Variants in GPC5 observed in about 807,000 individuals in gnomAD.
GPC5 encodes glypican 5.
In GPC5, 47 loss-of-function variants were observed where a neutral mutation model predicts 53.9. The ratio of observed to expected loss-of-function variants is 0.87; its 90% CI spans 0.69 to 1.11. GPC5 has a LOEUF of 1.11. Ranked by LOEUF, GPC5 falls within the 50% of genes most tolerant of loss-of-function variation. The pLI is 0.00. For synonymous variants in GPC5, 286 were observed against 263.3 expected, an observed-to-expected ratio of 1.09 and a Z score of -0.84; for missense variants, 748 against 713.1, an observed-to-expected ratio of 1.05 and a Z score of -0.56.
chr13:92,754,223 C>A (rs1874736788), intron 7 of GPC5, among the ~76,000 whole-genome samples: 1 of 152,060 alleles, frequency 6.6e-6, no homozygotes, highest in Non-Finnish European at 1.5e-5. Flanking sequence ...CATATCCAGC[C>A]AAACTAAGCT....
intron 7 of GPC5, among the ~76,000 whole-genome samples, chr13:92,488,098 C>A (rs543779593): frequency 6.6e-6 from 1 of 151,902 alleles, no homozygotes; most frequent in Admixed American, 6.6e-5. Flanking sequence ...AACATACATA[C>A]CCAGATACGT....
chr13:92,426,667 T>G (rs1261311257), intron 7 of GPC5, among the ~76,000 whole-genome samples: 1 of 152,114 alleles, frequency 6.6e-6, no homozygotes, highest in Non-Finnish European at 1.5e-5. Flanking sequence ...TTTGCTTATG[T>G]GTTTAGCTTC....
chr13:92,113,049 C>A (rs1298006058), intron 6 of GPC5, among the ~76,000 whole-genome samples: 3 of 151,972 alleles, frequency 2.0e-5, no homozygotes, highest in Non-Finnish European at 4.4e-5. Context: ...TGTATAATGA[C>A]CAGCATTTTG....
chr13:91,898,464 CT>C (rs2039465628), intron 5 of GPC5, among the ~76,000 whole-genome samples: 1 of 152,168 alleles, frequency 6.6e-6, no homozygotes, highest in South Asian at 2.1e-4. Flanking sequence ...TCACCTCCTC[CT>C]TTTCATTATT....
At position 92,497,791 on chromosome 13, in the gene GPC5, C is replaced by T. The variant is rs140878034; in HGVS notation, c.1561+352802C>T. 1.1e-4 allele frequency among the ~76,000 whole-genome samples: 17 copies of T among 151,838 alleles called. No individual in the cohort carries two copies. In the East Asian group the frequency reaches 3.3e-3, roughly 30 times the overall value. ...CCTCTCTTATTTCCTTGTAGTTCTA[C>T]CTAAAAAGGTCCTTCACATCCCTTG... On this transcript the variant is annotated intron_variant, in intron 7 of 7. Transcript: ENST00000377067.
intron 5 of GPC5, among the ~76,000 whole-genome samples, chr13:91,893,266 A>G (rs7993634): frequency 0.19 from 28,332 of 151,922 alleles, 2,984 homozygotes; most frequent in African/African-American, 0.3. Context: ...ATAGAAAAAA[A>G]TGTATGCCAA....
At chr13:92,353,250 G>A (rs1402075105) in intron 7 of GPC5, among the ~76,000 whole-genome samples, 3 of 116,290 alleles carry the variant, frequency 2.6e-5, no homozygotes, top group Non-Finnish European at 5.2e-5. Context: ...CTGGGCGACA[G>A]AGCGAGACTC....
intron 7 of GPC5, among the ~76,000 whole-genome samples, chr13:92,792,533 A>G (rs1046076647): frequency 1.3e-5 from 2 of 152,182 alleles, no homozygotes; most frequent in African/African-American, 4.8e-5. Context: ...TCAAATTCAC[A>G]CATAACAATA....
intron 7 of GPC5, among the ~76,000 whole-genome samples, chr13:92,232,023 G>A (rs1227020467): frequency 2.6e-5 from 4 of 152,044 alleles, no homozygotes; most frequent in Non-Finnish European, 4.4e-5. Context: ...TAAAGTTGTG[G>A]CACCTATCTT....
At chr13:92,143,471 T>C (rs531469885) in intron 6 of GPC5, among the ~76,000 whole-genome samples, 201 of 152,284 alleles carry the variant, frequency 1.3e-3, no homozygotes, top group African/African-American at 4.5e-3. Flanking sequence ...CACATCAGTA[T>C]ATTAAACACA....
chr13:92,839,008 G>C (rs544255432), intron 7 of GPC5, among the ~76,000 whole-genome samples: 2 of 152,156 alleles, frequency 1.3e-5, no homozygotes, highest in Non-Finnish European at 2.9e-5. Context: ...CTGTTCACCA[G>C]AACACAAAAT....
chr13:92,863,232 A>G (rs1879236498), intron 7 of GPC5, among the ~76,000 whole-genome samples: 1 of 152,156 alleles, frequency 6.6e-6, no homozygotes, highest in Admixed American at 6.6e-5. Flanking sequence ...CAGAGCACAG[A>G]CTGGGTCTAG....
intron 7 of GPC5, among the ~76,000 whole-genome samples, chr13:92,620,075 G>C (rs1443056757): frequency 6.6e-6 from 1 of 152,024 alleles, no homozygotes; most frequent in Non-Finnish European, 1.5e-5. Context: ...TAATGGTTTA[G>C]AGGATGAACA....
At chr13:92,472,115 T>A (rs531201093) in intron 7 of GPC5, among the ~76,000 whole-genome samples, 44 of 152,242 alleles carry the variant, frequency 2.9e-4, no homozygotes, top group Admixed American at 2.8e-3. Context: ...GATTTGGGAT[T>A]CTGAATGATC....
chr13:92,427,368 ATTC>A (rs1361873625), intron 7 of GPC5, among the ~76,000 whole-genome samples: 1 of 150,228 alleles, frequency 6.7e-6, no homozygotes, highest in African/African-American at 2.5e-5. Context: ...AACTGATACG[ATTC>A]TTATTTTCCA....
chr13:92,753,249 G>C (rs1031547833), intron 7 of GPC5, among the ~76,000 whole-genome samples: 1 of 152,052 alleles, frequency 6.6e-6, no homozygotes, highest in African/African-American at 2.4e-5. Flanking sequence ...ACACGGCAGG[G>C]TACTCCAACA....
At chr13:92,115,723 T>A (rs1340806583) in intron 6 of GPC5, among the ~76,000 whole-genome samples, 1 of 152,190 alleles carries the variant, frequency 6.6e-6, no homozygotes, top group Non-Finnish European at 1.5e-5. Context: ...CAGTTGTTAC[T>A]GTGACATATT....
Position 92,591,909 on chromosome 13 carries a change from G to A in GPC5, c.1562-274373G>A, listed in dbSNP as rs138307019. On this transcript the variant is annotated intron_variant, in intron 7 of 7. Transcript: ENST00000377067. ...AAGCTCTCTTCGTTAATAAATGTGA[G>A]CACCTGCTAAGCCCTTCACCCAAGC... 3.9e-4 allele frequency among the ~76,000 whole-genome samples: 59 copies of A among 152,196 alleles called. 1 individual carries two copies. In the East Asian group the frequency reaches 0.01, roughly 26 times the overall value.
chr13:92,355,628 CT>C (rs2043515091), intron 7 of GPC5, among the ~76,000 whole-genome samples: 1 of 152,036 alleles, frequency 6.6e-6, no homozygotes, highest in South Asian at 2.1e-4. Context: ...ATTTATATTC[CT>C]TTTTTGATGA....
Sources: gnomAD v4.1 joint callset for allele counts (sites outside exome capture counted in the v4.1 genomes callset) on GRCh38, gnomAD v4.1.1 for gene constraint, MANE v1.5 for transcripts, NCBI Gene and HGNC (gene_info 2026-07-23, HGNC 2026-07-21) for gene names.